Variants in CDH12 observed in about 807,000 individuals in gnomAD.
The protein encoded by CDH12 is cadherin 12, also known as cadherin-12.
In CDH12, 41 loss-of-function variants were observed where a neutral mutation model predicts 74.1. That is an observed-to-expected ratio of 0.55 (90% CI 0.43 to 0.72). CDH12 has a LOEUF of 0.72. CDH12 is among the 30% of genes least tolerant of loss of function. The pLI, the probability that CDH12 is intolerant of heterozygous loss-of-function variation, is 0.00. For synonymous variants in CDH12, 399 were observed against 355.0 expected (o/e 1.12, Z -1.39); for missense variants, 945 against 977.2 (o/e 0.97, Z 0.44).
chr5:22,115,832 C>A (rs1745062147), intron 4 of CDH12, among the ~76,000 whole-genome samples: 1 of 151,752 alleles, frequency 6.6e-6, no homozygotes. Flanking sequence ...GCTGGGACTA[C>A]AGGCACATGC....
At chr5:21,849,315 G>A (rs7730729) in intron 7 of CDH12, among the ~76,000 whole-genome samples, 12,136 of 151,640 alleles carry the variant, frequency 0.08, 822 homozygotes, top group African/African-American at 0.19. Context: ...TTTTGCTGAT[G>A]TGTTCATCTC....
intron 4 of CDH12, among the ~76,000 whole-genome samples, chr5:22,114,092 A>G (rs1580270623): frequency 6.6e-6 from 1 of 152,136 alleles, no homozygotes; most frequent in South Asian, 2.1e-4. Context: ...TGTTTTAGAA[A>G]TACTGCATCC....
intron 6 of CDH12, among the ~76,000 whole-genome samples, chr5:21,902,474 C>A: frequency 6.6e-6 from 1 of 152,116 alleles, no homozygotes; most frequent in African/African-American, 2.4e-5. Flanking sequence ...AGACTTAATG[C>A]AGAATCCATG....
intron 1 of CDH12, among the ~76,000 whole-genome samples, chr5:22,526,302 CATA>C (rs1365512472): frequency 6.6e-6 from 1 of 152,050 alleles, no homozygotes; most frequent in Non-Finnish European, 1.5e-5. Flanking sequence ...GTCAAATTGG[CATA>C]ATGTCATCAA....
chr5:21,892,714 A>G lies in CDH12; in HGVS notation c.527-37924T>C, dbSNP rs111581074. 3.7e-3 allele frequency among the ~76,000 whole-genome samples: 561 copies of G among 152,224 alleles called. 3 individuals are homozygous for G. Among genetic ancestry groups the G allele is most frequent in the African/African-American group, 0.013 (534 of 41,536 alleles). On this transcript the variant is annotated intron_variant, in intron 6 of 14. Transcript: ENST00000382254. ...AAATCTTTTGGAAAATAATTTAAAA[A>G]ATGGTTCACAAGGATATGACCTATG...
chr5:22,620,531 A>G (rs1561533126), intron 1 of CDH12, among the ~76,000 whole-genome samples: 1 of 152,030 alleles, frequency 6.6e-6, no homozygotes, highest in Admixed American at 6.6e-5. Context: ...CAAAAATACC[A>G]TTAAAAAATA....
chr5:21,812,684 A>G (rs1198369209), intron 9 of CDH12, among the ~76,000 whole-genome samples: 1 of 152,194 alleles, frequency 6.6e-6, no homozygotes, highest in East Asian at 1.9e-4. Flanking sequence ...TGAGTAATGC[A>G]TCTATGTACA....
intron 4 of CDH12, among the ~76,000 whole-genome samples, chr5:22,168,427 T>C (rs988577012): frequency 1.3e-5 from 2 of 152,122 alleles, no homozygotes; most frequent in Non-Finnish European, 2.9e-5. Flanking sequence ...TATATTTTGC[T>C]CTTGTCAGAA....
At chr5:22,484,428 C>G (rs1038494064) in intron 2 of CDH12, among the ~76,000 whole-genome samples, 3 of 152,116 alleles carry the variant, frequency 2.0e-5, no homozygotes, top group Admixed American at 6.5e-5. Flanking sequence ...TGTCTCCCAA[C>G]TCTACTTCTT....
chr5:22,134,361 A>G (rs1170489372), intron 4 of CDH12, among the ~76,000 whole-genome samples: 1 of 152,058 alleles, frequency 6.6e-6, no homozygotes, highest in African/African-American at 2.4e-5. Flanking sequence ...GGTCTCATTC[A>G]AATAATCCCA....
At chr5:22,420,783 AG>A (rs1207685118) in intron 2 of CDH12, among the ~76,000 whole-genome samples, 1 of 152,334 alleles carries the variant, frequency 6.6e-6, no homozygotes, top group South Asian at 2.1e-4. Context: ...TACTTTCAGC[AG>A]TATGGTCATC....
intron 3 of CDH12, among the ~76,000 whole-genome samples, chr5:22,329,966 C>A (rs1471098386): frequency 6.6e-6 from 1 of 152,336 alleles, no homozygotes; most frequent in South Asian, 2.1e-4. Context: ...AAGTGCTAGG[C>A]TGGGCTTAGA....
At chr5:22,115,681 C>T (rs1170695870) in intron 4 of CDH12, among the ~76,000 whole-genome samples, 3 of 146,900 alleles carry the variant, frequency 2.0e-5, no homozygotes, top group Non-Finnish European at 3.0e-5. Flanking sequence ...CAATTTTGGT[C>T]CTCGCGACTT....
chr5:22,587,863 TAC>T (rs552341710), intron 1 of CDH12, among the ~76,000 whole-genome samples: 10 of 149,352 alleles, frequency 6.7e-5, no homozygotes, highest in South Asian at 4.2e-4. Context: ...TATATATATA[TAC>T]ATATATAGCA....
At chr5:22,645,528 A>T (rs187228695) in intron 1 of CDH12, among the ~76,000 whole-genome samples, 18 of 152,200 alleles carry the variant, frequency 1.2e-4, no homozygotes, top group East Asian at 1.2e-3. Flanking sequence ...TGCTATGAAC[A>T]TTGGTGAAAT....
At chr5:22,453,959 G>A (rs1157238864) in intron 2 of CDH12, among the ~76,000 whole-genome samples, 3 of 151,702 alleles carry the variant, frequency 2.0e-5, no homozygotes, top group Admixed American at 2.0e-4. Flanking sequence ...CTATTATGTT[G>A]TTAACCAAAA....
chr5:22,575,419 T>A (rs572602076), intron 1 of CDH12, among the ~76,000 whole-genome samples: 23 of 151,328 alleles, frequency 1.5e-4, no homozygotes, highest in African/African-American at 5.6e-4. Flanking sequence ...TTGAGACAGG[T>A]TCTTACTCTA....
intron 10 of CDH12, among the ~76,000 whole-genome samples, chr5:21,786,034 G>A (rs1746178650): frequency 6.6e-6 from 1 of 152,132 alleles, no homozygotes; most frequent in African/African-American, 2.4e-5. Context: ...TGAAGCCAAT[G>A]TTCATTAACC....
chr5:21,966,239 G>A (rs1420745286), intron 6 of CDH12, among the ~76,000 whole-genome samples: 3 of 141,342 alleles, frequency 2.1e-5, no homozygotes, highest in Non-Finnish European at 4.6e-5. Context: ...GATTTAAAAT[G>A]TTGGCCTTAC....
Sources: gnomAD v4.1 joint callset for allele counts (sites outside exome capture counted in the v4.1 genomes callset) on GRCh38, gnomAD v4.1.1 for gene constraint, MANE v1.5 for transcripts, NCBI Gene and HGNC (gene_info 2026-07-23, HGNC 2026-07-21) for gene names.